The following SCAI variants were observed in gnomAD, a reference collection of about 807,000 sequenced individuals.
The protein encoded by SCAI is suppressor of cancer cell invasion.
Under a neutral mutation model 92.2 loss-of-function variants are expected in SCAI, and 24 were observed. That is an observed-to-expected ratio of 0.26 (90% CI 0.19 to 0.37). The LOEUF (loss-of-function observed/expected upper bound fraction) is 0.37. Among genes scored for constraint, SCAI ranks in the 10% least tolerant of loss-of-function variants. SCAI has a pLI of 1.00. For synonymous variants in SCAI, 261 were observed against 258.6 expected (o/e 1.01, Z -0.09); for missense variants, 450 against 736.2 (o/e 0.61, Z 4.50).
chr9:125,002,488 G>GGTTTTTTTTTTTTT (rs1554779237), intron 11 of SCAI, among the ~76,000 whole-genome samples: 2 of 125,104 alleles, frequency 1.6e-5, no homozygotes, highest in South Asian at 4.9e-4. Flanking sequence ...TTTTTAGTCT[G>GGTTTTTTTTTTTTT]TTTTTTTTTT....
At chr9:125,001,301 ATTT>A (rs1319798598) in intron 12 of SCAI, among the ~76,000 whole-genome samples, 3 of 152,152 alleles carry the variant, frequency 2.0e-5, no homozygotes, top group South Asian at 2.1e-4. Context: ...GATGTTAAGA[ATTT>A]TTTTATTTTT....
chr9:124,997,353 C>T (rs1477743662), intron 13 of SCAI, among the ~76,000 whole-genome samples: 1 of 152,156 alleles, frequency 6.6e-6, no homozygotes, highest in Non-Finnish European at 1.5e-5. Flanking sequence ...TCATGGGTCC[C>T]ATCCCTAAGG....
intron 2 of SCAI, among the ~76,000 whole-genome samples, chr9:125,099,416 A>C (rs1834632782): frequency 6.6e-6 from 1 of 152,074 alleles, no homozygotes; most frequent in South Asian, 2.1e-4. Flanking sequence ...CCCGCCTAGT[A>C]GATGAGATGT....
At chr9:125,108,754 G>C (rs866813469) in intron 2 of SCAI, among the ~76,000 whole-genome samples, 5 of 148,992 alleles carry the variant, frequency 3.4e-5, no homozygotes, top group African/African-American at 1.2e-4. Flanking sequence ...GTCTCCGCCC[G>C]GCAGCCGCCC....
At chr9:125,131,176 C>A (rs1376836900) in intron 2 of SCAI, among the ~76,000 whole-genome samples, 1 of 151,286 alleles carries the variant, frequency 6.6e-6, no homozygotes, top group Non-Finnish European at 1.5e-5. Context: ...GAGGCCGAGG[C>A]GGGTGGATCA....
chr9:125,109,767 A>T (rs1344541822), intron 2 of SCAI, among the ~76,000 whole-genome samples: 1 of 152,086 alleles, frequency 6.6e-6, no homozygotes, highest in African/African-American at 2.4e-5. Context: ...GCTCACTGCA[A>T]CCGCCACCTT....
chr9:125,065,167 G>A (rs1294656673), intron 2 of SCAI, among the ~76,000 whole-genome samples: 1 of 151,886 alleles, frequency 6.6e-6, no homozygotes, highest in Non-Finnish European at 1.5e-5. Flanking sequence ...AATAAAGTTA[G>A]TTCTTTAAAA....
chr9:124,965,800 T>G (rs1429159580), intron 17 of SCAI, among the ~76,000 whole-genome samples: 1 of 152,212 alleles, frequency 6.6e-6, no homozygotes, highest in African/African-American at 2.4e-5. Context: ...GACTTTTCAT[T>G]GCTTCTTGGG....
chr9:125,050,444 T>C (rs929452278), intron 3 of SCAI, among the ~76,000 whole-genome samples: 3 of 151,198 alleles, frequency 2.0e-5, no homozygotes, highest in African/African-American at 7.3e-5. Flanking sequence ...ACAGGGAGAG[T>C]AGTGTAGACA....
Position 124,943,298 on chromosome 9 carries a change from GT to G in SCAI, c.*9508del, listed in dbSNP as rs1347226804. The stretch of plus-strand genomic sequence containing the variant: ...CATATAAAAACTATGAATCCAAACA[GT>G]TTTGCTAACGGGGCTGAGTTGATGG... On this transcript the variant is annotated 3_prime_UTR_variant, in exon 18 of 18. Transcript: ENST00000336505. 1 of 152,140 alleles carries G rather than the reference GT, an allele frequency of 6.6e-6. No homozygotes were observed. Among genetic ancestry groups the G allele is most frequent in the Non-Finnish European group, 1.5e-5 (1 of 68,010 alleles). 9.4% of individuals were successfully genotyped at this position (152,140 alleles called of 1,614,324 possible).
intron 5 of SCAI, 136 bp from the exon 6 acceptor site, chr9:125,027,046 G>A (rs541258658): frequency 1.5e-5 from 7 of 459,442 alleles, no homozygotes; most frequent in African/African-American, 2.0e-5. Context: ...AATTTGAATC[G>A]GCAAGACAAT....
intron 9 of SCAI, among the ~76,000 whole-genome samples, chr9:125,010,353 T>TA (rs1307242954): frequency 6.6e-6 from 1 of 152,136 alleles, no homozygotes; most frequent in Non-Finnish European, 1.5e-5. Flanking sequence ...CCGACGGGCT[T>TA]AAAAAACGGT....
At chr9:125,004,750 TATA>T (rs1832442889) in intron 9 of SCAI, among the ~76,000 whole-genome samples, 2 of 14,964 alleles carry the variant, frequency 1.3e-4, no homozygotes, top group Non-Finnish European at 2.4e-4. Flanking sequence ...TATATATATA[TATA>T]TATATATATA....
intron 3 of SCAI, among the ~76,000 whole-genome samples, chr9:125,033,670 G>A (rs360208): frequency 0.21 from 32,115 of 152,078 alleles, 3,532 homozygotes; most frequent in African/African-American, 0.26. Flanking sequence ...ATGGGTGCAC[G>A]TAACCTGTGA....
At chr9:125,109,245 A>G (rs989100056) in intron 2 of SCAI, among the ~76,000 whole-genome samples, 2 of 152,100 alleles carry the variant, frequency 1.3e-5, no homozygotes, top group South Asian at 2.1e-4. Flanking sequence ...TCCTCTGCCT[A>G]GGAAAACCAG....
Position 125,029,635 on chromosome 9 carries a change from T to C in SCAI, c.326+9A>G. 1 of 1,589,926 alleles carries C rather than the reference T, an allele frequency of 6.3e-7. No homozygotes were observed. On this transcript the variant is annotated intron_variant, in intron 4 of 17. Coordinates refer to ENST00000336505, the MANE Select transcript of SCAI (RefSeq NM_001144877.3). Reference sequence around the variant, plus strand: ...CCTTCACTCTCCTTTAACTATAAAATTCATTTACCGATGCTGCTGCTGGAA... The same window carrying C: ...CCTTCACTCTCCTTTAACTATAAAACTCATTTACCGATGCTGCTGCTGGAA...
chr9:125,098,021 A>G (rs897813786), intron 2 of SCAI, among the ~76,000 whole-genome samples: 2 of 150,964 alleles, frequency 1.3e-5, no homozygotes, highest in Non-Finnish European at 3.0e-5. Context: ...GTGTGTATAT[A>G]TATATCTATA....
intron 2 of SCAI, among the ~76,000 whole-genome samples, chr9:125,086,896 A>C (rs1477714407): frequency 6.6e-6 from 1 of 152,236 alleles, no homozygotes; most frequent in African/African-American, 2.4e-5. Context: ...GGTTATCATG[A>C]AGATTAAGTG....
intron 9 of SCAI, among the ~76,000 whole-genome samples, chr9:125,016,057 C>T (rs1315327325): frequency 2.7e-5 from 4 of 147,814 alleles, no homozygotes; most frequent in Non-Finnish European, 1.5e-5. Context: ...GGAGGGATAG[C>T]TTTAGGAGAT....
Sources: allele counts gnomAD v4.1 joint callset (sites outside exome capture counted in the v4.1 genomes callset), GRCh38; gene constraint gnomAD v4.1.1; transcripts MANE v1.5; gene names NCBI Gene and HGNC (gene_info 2026-07-23, HGNC 2026-07-21).